The following PARD3B variants were observed in gnomAD, a reference collection of about 807,000 sequenced individuals.
PARD3B encodes the protein partitioning defective 3 homolog B.
PARD3B carries 103 observed loss-of-function variants against 130.2 expected under a neutral mutation model. The observed-to-expected ratio is 0.79, with a 90% CI of 0.67 to 0.93. The LOEUF (loss-of-function observed/expected upper bound fraction) is 0.93. Ranked by LOEUF, PARD3B falls within the 40% of genes least tolerant of loss-of-function variation. PARD3B has a pLI of 0.00. For missense variants in PARD3B, 1,609 were observed against 1,499.2 expected (o/e 1.07, Z -1.21); for synonymous variants, 583 against 553.2 (o/e 1.05, Z -0.76).
At chr2:205,134,982 G>A (rs894348350) in intron 10 of PARD3B, among the ~76,000 whole-genome samples, 6 of 151,448 alleles carry the variant, frequency 4.0e-5, no homozygotes, top group East Asian at 2.0e-4. Context: ...GCCTAAATAC[G>A]TTGTCTTGCA....
chr2:205,546,814 A>C (rs540254294), intron 21 of PARD3B, among the ~76,000 whole-genome samples: 1 of 152,346 alleles, frequency 6.6e-6, no homozygotes, highest in South Asian at 2.1e-4. Context: ...AGGAGATTAC[A>C]TGAATTATGA....
rs72937649 is a variant in PARD3B, at chr2:205,591,056, A to T, written c.3261-24400A>T. On this transcript the variant is annotated intron_variant, in intron 22 of 22. Coordinates refer to ENST00000406610, the MANE Select transcript of PARD3B (RefSeq NM_001302769.2). This position sits in a 1 kb window ranked among gnomAD's most constrained non-coding sequence, Gnocchi z 4.2. Reference sequence around the variant, plus strand: ...CATCTGTCCCTCACTTTAGAGCTCCACGTGTCATTGTGTTTGTCTTTCCCT... The same window carrying T: ...CATCTGTCCCTCACTTTAGAGCTCCTCGTGTCATTGTGTTTGTCTTTCCCT... 0.029 allele frequency among the ~76,000 whole-genome samples: 4,397 copies of T among 152,154 alleles called. 91 individuals carry two copies. The highest frequency in any genetic ancestry group is 0.054 in the Middle Eastern group (16 of 294).
chr2:205,036,252 T>C (rs1697868252), intron 3 of PARD3B, among the ~76,000 whole-genome samples: 1 of 146,888 alleles, frequency 6.8e-6, no homozygotes, highest in African/African-American at 2.5e-5. Context: ...TAAATATATG[T>C]ATATAGTGGG....
intron 15 of PARD3B, among the ~76,000 whole-genome samples, chr2:205,228,375 T>G (rs578176993): frequency 4.6e-5 from 7 of 152,326 alleles, no homozygotes; most frequent in Admixed American, 4.6e-4. Context: ...AGATATACTA[T>G]TCTAGAATAA....
At chr2:205,124,060 A>G (rs575983378) in intron 8 of PARD3B, among the ~76,000 whole-genome samples, 1 of 152,314 alleles carries the variant, frequency 6.6e-6, no homozygotes, top group South Asian at 2.1e-4. Context: ...CATCTGGATA[A>G]CATGTGCATT....
chr2:205,005,209 C>G (rs1003839155), intron 3 of PARD3B, among the ~76,000 whole-genome samples: 1 of 151,828 alleles, frequency 6.6e-6, no homozygotes, highest in African/African-American at 2.4e-5. Flanking sequence ...AGTATACACA[C>G]ATGTACACAA....
chr2:204,941,168 T>C (rs1249177364), intron 2 of PARD3B, among the ~76,000 whole-genome samples: 1 of 152,178 alleles, frequency 6.6e-6, no homozygotes, highest in Non-Finnish European at 1.5e-5. Context: ...ATTAAATCAC[T>C]CTTCTTACCA....
Position 204,848,641 on chromosome 2 carries a change from G to GTCTATCTA in PARD3B, c.223-116495_223-116488dup, listed in dbSNP as rs112373204. On this transcript the variant is annotated intron_variant, in intron 2 of 22. Coordinates refer to ENST00000406610, the MANE Select transcript of PARD3B (RefSeq NM_001302769.2). Reference sequence around the variant, plus strand: ...AGCCTGGATGATAGAGTGAGACTCTGTCTATCTATCTATCTATCTATCTGT... The same window carrying GTCTATCTA: ...AGCCTGGATGATAGAGTGAGACTCTGTCTATCTATCTATCTATCTATCTATCTATCTGT... 0.014 allele frequency among the ~76,000 whole-genome samples: 2,072 copies of GTCTATCTA among 148,450 alleles called. 54 individuals carry two copies. The East Asian group carries it at 0.14, about 10-fold the overall frequency.
chr2:204,562,964 G>A (rs182048114), intron 1 of PARD3B, among the ~76,000 whole-genome samples: 23 of 152,120 alleles, frequency 1.5e-4, no homozygotes, highest in African/African-American at 4.3e-4. Context: ...TCACTCTATC[G>A]CTCTGTGTTT....
At chr2:205,508,575 GAAA>G (rs11293944) in intron 21 of PARD3B, among the ~76,000 whole-genome samples, 16 of 134,300 alleles carry the variant, frequency 1.2e-4, no homozygotes, top group Non-Finnish European at 1.4e-4. Flanking sequence ...CTTTCTCCAA[GAAA>G]AAAAAAAAAA....
intron 2 of PARD3B, among the ~76,000 whole-genome samples, chr2:204,779,354 G>A (rs1391078971): frequency 6.6e-6 from 1 of 152,100 alleles, no homozygotes; most frequent in African/African-American, 2.4e-5. Flanking sequence ...TTTATTTGGG[G>A]CAGATGAATA....
rs968985533 is a variant in PARD3B at position 205,405,919 on chromosome 2, A to C, written c.2741+4796A>C. The stretch of plus-strand genomic sequence containing the variant: ...AAGTTTAGCATGAGTCAACATGTGG[A>C]TATGCCTGCCAAAAGCTTAATCTGG... On this transcript the variant is annotated intron_variant, in intron 19 of 22. Coordinates refer to ENST00000406610, the MANE Select transcript of PARD3B (RefSeq NM_001302769.2). This position sits in a 1 kb window ranked among gnomAD's most constrained non-coding sequence, Gnocchi z 4.1. Among the ~76,000 whole-genome samples, 2 of 152,240 alleles carry C rather than the reference A, an allele frequency of 1.3e-5. No individual in the cohort carries two copies. Among genetic ancestry groups the C allele is most frequent in the Non-Finnish European group, 2.9e-5 (2 of 68,044 alleles).
At chr2:205,298,538 A>C (rs529308358) in intron 16 of PARD3B, among the ~76,000 whole-genome samples, 1 of 151,838 alleles carries the variant, frequency 6.6e-6, no homozygotes, top group South Asian at 2.1e-4. Context: ...CATTTATTGA[A>C]TATACTCTGT....
Position 204,588,402 on chromosome 2 carries a change from T to G in PARD3B, c.120+42283T>G, listed in dbSNP as rs1489045973. 3.9e-5 allele frequency among the ~76,000 whole-genome samples: 6 copies of G among 152,216 alleles called. No homozygotes were observed. The East Asian group carries it at 7.7e-4, about 20-fold the overall frequency. On this transcript the variant is annotated intron_variant, in intron 1 of 22. Coordinates refer to ENST00000406610, the MANE Select transcript of PARD3B (RefSeq NM_001302769.2). Reference sequence around the variant, plus strand: ...CGTATTTAATTCAAGGACTGAATCATAAGAGCTCATCTTTGGGAAGGAGCT... The same window carrying G: ...CGTATTTAATTCAAGGACTGAATCAGAAGAGCTCATCTTTGGGAAGGAGCT...
At chr2:205,298,265 A>G (rs1178546378) in intron 16 of PARD3B, among the ~76,000 whole-genome samples, 1 of 152,170 alleles carries the variant, frequency 6.6e-6, no homozygotes, top group African/African-American at 2.4e-5. Context: ...CTGATATTAT[A>G]AAATATTTTC....
intron 11 of PARD3B, among the ~76,000 whole-genome samples, chr2:205,161,225 G>T (rs574013678): frequency 1.6e-4 from 25 of 152,266 alleles, no homozygotes; most frequent in African/African-American, 5.1e-4. Context: ...ATCCATGTTT[G>T]TGTAAGTGAG....
At chr2:205,600,780 T>C (rs2054753248) in intron 22 of PARD3B, among the ~76,000 whole-genome samples, 1 of 152,248 alleles carries the variant, frequency 6.6e-6, no homozygotes, top group South Asian at 2.1e-4. Context: ...CTGCATCAGT[T>C]TGCCGAGGCT....
At chr2:204,555,386 C>T (rs750402074) in intron 1 of PARD3B, among the ~76,000 whole-genome samples, 2 of 152,120 alleles carry the variant, frequency 1.3e-5, no homozygotes, top group South Asian at 2.1e-4. Context: ...GGTGAAACCC[C>T]GTCTCTACTA....
rs934670249 is a variant in PARD3B at position 205,592,413 on chromosome 2, A to G, written c.3261-23043A>G. ...GAAAAGAAAACCCCTTCTTTCCCAC[A>G]ACAGGAATCTCCAGCGAACATCCAC... On this transcript the variant is annotated intron_variant, in intron 22 of 22. Transcript: ENST00000406610. The surrounding 1 kb of genome is among the most constrained non-coding windows in gnomAD (Gnocchi z 4.5). Among the ~76,000 whole-genome samples the G allele has an allele frequency of 1.2e-4, 19 of 152,172 alleles. No individual in the cohort carries two copies. Among genetic ancestry groups the G allele is most frequent in the Non-Finnish European group, 2.4e-4 (16 of 68,022 alleles).
Sources: gnomAD v4.1 joint callset for allele counts (sites outside exome capture counted in the v4.1 genomes callset) on GRCh38, gnomAD v4.1.1 for gene constraint, Gnocchi (gnomAD v3.1) non-coding constraint, MANE v1.5 for transcripts, NCBI Gene and HGNC (gene_info 2026-07-23, HGNC 2026-07-21) for gene names.